SGCZ: variants seen among roughly 807,000 people sequenced by gnomAD.
The protein encoded by SGCZ is zeta-sarcoglycan.
SGCZ carries 40 observed loss-of-function variants against 41.3 expected under a neutral mutation model. The ratio of observed to expected loss-of-function variants is 0.97; its 90% CI spans 0.75 to 1.26. The LOEUF (loss-of-function observed/expected upper bound fraction) is 1.26. Among genes scored for constraint, SGCZ ranks in the 50% most tolerant of loss-of-function variants. The pLI is 0.00. For missense variants in SGCZ, 552 were observed against 369.8 expected, an observed-to-expected ratio of 1.49 and a Z score of -4.04; for synonymous variants, 206 against 137.5, an observed-to-expected ratio of 1.50 and a Z score of -3.49.
chr8:14,556,098 G>A (rs952692453), intron 1 of SGCZ, among the ~76,000 whole-genome samples: 2 of 151,688 alleles, frequency 1.3e-5, no homozygotes, highest in Admixed American at 1.3e-4. Flanking sequence ...TAGAAATATG[G>A]ATAAGAAGAG....
intron 1 of SGCZ, among the ~76,000 whole-genome samples, chr8:14,959,151 T>C (rs1372027368): frequency 1.3e-5 from 2 of 152,096 alleles, no homozygotes; most frequent in Non-Finnish European, 2.9e-5. Context: ...CAAAATATAA[T>C]AGCATACAAT....
chr8:14,218,910 G>A (rs538722144), intron 4 of SGCZ, among the ~76,000 whole-genome samples: 41 of 152,284 alleles, frequency 2.7e-4, no homozygotes, highest in African/African-American at 9.6e-4. Flanking sequence ...CACCAATTGA[G>A]TGCAGTCATC....
intron 5 of SGCZ, among the ~76,000 whole-genome samples, chr8:14,133,457 G>A (rs1186847308): frequency 6.6e-6 from 1 of 151,932 alleles, no homozygotes; most frequent in South Asian, 2.1e-4. Flanking sequence ...TTTCTTTCAC[G>A]TAGTCTCCAG....
intron 3 of SGCZ, among the ~76,000 whole-genome samples, chr8:14,293,012 G>T (rs933040643): frequency 6.6e-6 from 1 of 151,970 alleles, no homozygotes; most frequent in African/African-American, 2.4e-5. Context: ...GAACAGAATG[G>T]TTTCATTCAC....
At chr8:14,385,181 T>C (rs1382330030) in intron 2 of SGCZ, among the ~76,000 whole-genome samples, 5 of 152,128 alleles carry the variant, frequency 3.3e-5, no homozygotes, top group African/African-American at 1.2e-4. Flanking sequence ...GCTCTCTTCA[T>C]AGATTAGTGA....
intron 3 of SGCZ, among the ~76,000 whole-genome samples, chr8:14,277,022 TC>T (rs1800259491): frequency 6.6e-6 from 1 of 152,204 alleles, no homozygotes; most frequent in Admixed American, 6.5e-5. Context: ...ACTTTCATTT[TC>T]AATAAATCTC....
chr8:14,871,830 A>G (rs1804162815), intron 1 of SGCZ, among the ~76,000 whole-genome samples: 2 of 151,194 alleles, frequency 1.3e-5, no homozygotes, highest in South Asian at 2.1e-4. Context: ...GTGTGTATAT[A>G]TATATATATG....
chr8:15,057,788 A>T (rs1804767792), intron 1 of SGCZ, among the ~76,000 whole-genome samples: 1 of 152,166 alleles, frequency 6.6e-6, no homozygotes, highest in African/African-American at 2.4e-5. Flanking sequence ...TATTCAACTA[A>T]ATGATTACAA....
chr8:14,720,712 T>C (rs2250166), intron 1 of SGCZ, among the ~76,000 whole-genome samples: 110,600 of 151,916 alleles, frequency 0.73, 40,520 homozygotes, highest in Admixed American at 0.77. Context: ...GTGGCTGAGT[T>C]GAGTAGTTGC....
chr8:14,801,068 A>G (rs1282896269), intron 1 of SGCZ, among the ~76,000 whole-genome samples: 3 of 152,226 alleles, frequency 2.0e-5, no homozygotes, highest in Non-Finnish European at 2.9e-5. Flanking sequence ...AATGACTGAT[A>G]AGTTAGAAAG....
At chr8:14,166,073 C>G (rs1337494171) in intron 4 of SGCZ, among the ~76,000 whole-genome samples, 3 of 151,916 alleles carry the variant, frequency 2.0e-5, no homozygotes, top group Non-Finnish European at 2.9e-5. Flanking sequence ...TTTTAATATT[C>G]TGAAACTACA....
At chr8:14,107,894 T>C (rs1014024100) in intron 6 of SGCZ, among the ~76,000 whole-genome samples, 9 of 152,092 alleles carry the variant, frequency 5.9e-5, no homozygotes, top group African/African-American at 1.4e-4. Context: ...CCTCCTACCT[T>C]GGCCTCCCAA....
At chr8:15,085,850 T>TA (rs1240532233) in intron 1 of SGCZ, among the ~76,000 whole-genome samples, 4 of 152,162 alleles carry the variant, frequency 2.6e-5, no homozygotes, top group Non-Finnish European at 5.9e-5. Flanking sequence ...CTTGTCTGCA[T>TA]ACCCCTGTGG....
chr8:14,562,744 TC>T (rs1349254364), intron 1 of SGCZ, among the ~76,000 whole-genome samples: 2 of 152,140 alleles, frequency 1.3e-5, no homozygotes, highest in African/African-American at 2.4e-5. Flanking sequence ...TAGATGAGTG[TC>T]TGGGGGTCTT....
At chr8:14,584,528 G>T (rs555265105) in intron 1 of SGCZ, among the ~76,000 whole-genome samples, 55 of 152,170 alleles carry the variant, frequency 3.6e-4, no homozygotes, top group Admixed American at 3.3e-3. Flanking sequence ...AGGAACACAG[G>T]GAGACAGATG....
At chr8:15,056,918 C>A (rs954788382) in intron 1 of SGCZ, among the ~76,000 whole-genome samples, 5 of 152,268 alleles carry the variant, frequency 3.3e-5, no homozygotes, top group African/African-American at 9.6e-5. Context: ...AGGTTTCTGA[C>A]AGGCAAGCTG....
intron 2 of SGCZ, among the ~76,000 whole-genome samples, chr8:14,454,597 T>A (rs893505170): frequency 2.0e-5 from 3 of 151,982 alleles, no homozygotes; most frequent in Non-Finnish European, 4.4e-5. Context: ...TCAAAAACAC[T>A]GTAAAAGAAA....
chr8:14,186,786 G>C (rs1304349721), intron 4 of SGCZ, among the ~76,000 whole-genome samples: 1 of 152,168 alleles, frequency 6.6e-6, no homozygotes, highest in African/African-American at 2.4e-5. Context: ...TGTGATGAAA[G>C]TAATTAAAAG....
At position 14,237,619 on chromosome 8, in the gene SGCZ, C is replaced by T; in HGVS notation, c.397G>A (p.Gly133Arg). ...NVTVNARNHM[G>R]QLTGQLTIGA... ...ATGGTCAGCTGTCCGGTTAACTGCC[C>T]CATGTGATTTCTTGCATTCACTGTG... The change falls in exon 4 of 8, where the codon GGG becomes AGG. Residue 133 changes from glycine (G) to arginine (R), a missense_variant. Gly to Arg is a moderately radical substitution (Grantham distance 125). Coordinates refer to ENST00000382080, the MANE Select transcript of SGCZ (RefSeq NM_139167.4). The T allele has an allele frequency of 6.2e-7, 1 of 1,613,904 alleles. No individual in the cohort carries two copies. Among genetic ancestry groups the T allele is most frequent in the Non-Finnish European group, 8.5e-7 (1 of 1,179,880 alleles).
Sources: gnomAD v4.1 joint callset for allele counts (sites outside exome capture counted in the v4.1 genomes callset) on GRCh38, gnomAD v4.1.1 for gene constraint, MANE v1.5 for transcripts, NCBI Gene and HGNC (gene_info 2026-07-23, HGNC 2026-07-21) for gene names.